The following ARSH variants were observed in gnomAD, a reference collection of about 807,000 sequenced individuals.
ARSH encodes the protein arylsulfatase H.
A neutral mutation model predicts 28.7 loss-of-function variants in ARSH; 32 were observed. The observed-to-expected ratio is 1.11, with a 90% CI of 0.84 to 1.50. ARSH has a LOEUF of 1.50. Among genes scored for constraint, ARSH ranks in the 40% most tolerant of loss-of-function variants. ARSH has a pLI of 0.00. For missense variants in ARSH, 440 were observed against 452.4 expected (o/e 0.97, Z 0.25); for synonymous variants, 176 against 177.3 (o/e 0.99, Z 0.06).
Position 3,015,406 on chromosome X carries a change from T to C in ARSH, c.764+13T>C. The C allele has an allele frequency of 8.4e-7, 1 of 1,195,259 alleles. No individual in the cohort carries two copies. The highest frequency in any genetic ancestry group is 1.1e-6 in the Non-Finnish European group (1 of 887,780). On this transcript the variant is annotated intron_variant, in intron 4 of 8. Coordinates refer to ENST00000381130, the MANE Select transcript of ARSH (RefSeq NM_001011719.2). ...CTTTCATTGAAAGGTATTTAGCCAT[T>C]TCTTGCCTGATTTCCTGCATGGAAA... is the stretch of plus-strand genomic sequence containing the variant.
Position 3,018,064 on chromosome X carries a change from A to G in ARSH, c.765-470A>G, listed in dbSNP as rs1021731373. Among the ~76,000 whole-genome samples, 3 of 112,175 alleles carry G rather than the reference A, an allele frequency of 2.7e-5. No homozygotes were observed. The Admixed American group carries it at 2.8e-4, about 11-fold the overall frequency. ...GCCCAGGCTGGAGTGCAGTGGTGTG[A>G]TAATAGCTCACGGCAGCCTCCACCT... On this transcript the variant is annotated intron_variant, in intron 4 of 8. Transcript: ENST00000381130.
chrX:3,010,003 C>T (rs542034290), intron 1 of ARSH, 27 bp from the exon 2 acceptor site: 18 of 1,200,981 alleles, frequency 1.5e-5, no homozygotes, highest in Middle Eastern at 4.6e-4. Flanking sequence ...TAGAAACTCA[C>T]CTGCTGAATT....
rs774297748 is a variant in ARSH at position 3,018,617 on chromosome X, G to T, written c.848G>T (p.Arg283Leu). Residue 283 changes from arginine to leucine, a missense_variant, in exon 5 of 9, where the codon CGC becomes CTC. Physicochemically the swap from Arg to Leu is moderately radical, Grantham distance 102. Coordinates refer to ENST00000381130, the MANE Select transcript of ARSH (RefSeq NM_001011719.2). ...PLISKKKFVG[R>L]SKYGRYGDNV... ...ATCTCCAAAAAGAAGTTTGTTGGGC[G>T]CAGTAAATATGGCAGGTATGGGGAC... The T allele has an allele frequency of 8.3e-7, 1 of 1,208,447 alleles. No homozygotes were observed. Among genetic ancestry groups the T allele is most frequent in the Non-Finnish European group, 1.1e-6 (1 of 894,398 alleles).
chrX:3,033,691 T>C lies in ARSH; in HGVS notation c.*306T>C, dbSNP rs2089921475. 6.1e-6 allele frequency: 1 copy of C among 164,263 alleles called. No homozygotes were observed. The highest frequency in any genetic ancestry group is 1.2e-5 in the Non-Finnish European group (1 of 85,010). The allele number at this position is 164,263 out of a possible 1,213,427, so 13.5% of individuals were successfully genotyped here. On this transcript the variant is annotated 3_prime_UTR_variant, in exon 9 of 9. Coordinates refer to ENST00000381130, the MANE Select transcript of ARSH (RefSeq NM_001011719.2). Reference sequence around the variant, plus strand: ...GTAGAGCTTTTGTTCCTAGAATTCATGGAAGCATCAGGTCCAATGTCATAA... The same window carrying C: ...GTAGAGCTTTTGTTCCTAGAATTCACGGAAGCATCAGGTCCAATGTCATAA...
chrX:3,015,612 AG>A (rs1438954332), intron 4 of ARSH, among the ~76,000 whole-genome samples: 2 of 110,980 alleles, frequency 1.8e-5, no homozygotes, highest in African/African-American at 6.6e-5. Context: ...ATGGCTGTGT[AG>A]TATTTTGTGG....
At chrX:3,030,930 A>G (rs1244867871) in intron 8 of ARSH, among the ~76,000 whole-genome samples, 2 of 110,177 alleles carry the variant, frequency 1.8e-5, no homozygotes, top group Non-Finnish European at 3.8e-5. Context: ...TAGGAGGATT[A>G]TTTGAGCCCA....
In ARSH at chrX:3,033,234, C is replaced by T. The variant is rs1274408680; in HGVS notation, c.1538C>T (p.Ala513Val). Residue 513 changes from alanine (A) to valine (V), a missense_variant, in exon 9 of 9, where the codon GCC becomes GTC. By Grantham distance (64) the Ala-to-Val change is moderately conservative. Transcript: ENST00000381130. ...TCCGTGATCAAAAAGATGGAGGCAG[C>T]CATAAGAGAGCATCGTAGGACACTA... is the stretch of plus-strand genomic sequence containing the variant. ...FDSVIKKMEA[A>V]IREHRRTLTP... The T allele has an allele frequency of 5.8e-6, 7 of 1,209,664 alleles. No individual in the cohort carries two copies. Among genetic ancestry groups the T allele is most frequent in the Admixed American group, 4.4e-5 (2 of 45,641 alleles).
intron 4 of ARSH, among the ~76,000 whole-genome samples, chrX:3,017,231 G>A (rs1363361572): frequency 9.0e-6 from 1 of 111,370 alleles, no homozygotes; most frequent in Non-Finnish European, 1.9e-5. Flanking sequence ...TGAAAAATGT[G>A]TAAAGGAGTA....
At chrX:3,028,322 T>C (rs1415042248) in intron 7 of ARSH, among the ~76,000 whole-genome samples, 2 of 109,616 alleles carry the variant, frequency 1.8e-5, no homozygotes, top group Non-Finnish European at 3.8e-5. Context: ...GTGATTCTTC[T>C]GCCTCAGCCT....
At chrX:3,031,406 G>A (rs950823905) in intron 8 of ARSH, among the ~76,000 whole-genome samples, 3 of 111,596 alleles carry the variant, frequency 2.7e-5, no homozygotes, top group African/African-American at 3.3e-5. Context: ...TCCCACATTC[G>A]TGCTATGGAA....
intron 6 of ARSH, among the ~76,000 whole-genome samples, chrX:3,026,556 T>C (rs2089899255): frequency 8.9e-6 from 1 of 112,191 alleles, no homozygotes; most frequent in African/African-American, 3.2e-5. Context: ...TTAAAGAGTC[T>C]AGACATATGG....
chrX:3,018,747 A>G (rs1319129521), intron 5 of ARSH, 77 bp downstream of exon 5: 1 of 1,079,428 alleles, frequency 9.3e-7, no homozygotes, highest in East Asian at 3.1e-5. Context: ...ACTGTCTCAA[A>G]TTATGTCCAG....
At chrX:3,012,210 TGTATAATATTGTCCACCA>T (rs1348318903) in intron 2 of ARSH, among the ~76,000 whole-genome samples, 5 of 109,949 alleles carry the variant, frequency 4.5e-5, no homozygotes, top group African/African-American at 6.6e-5. Context: ...AAACTATAGG[TGTATAATATTGTCCACCA>T]GTATAAATCT....
intron 7 of ARSH, among the ~76,000 whole-genome samples, chrX:3,028,304 G>C (rs1281765568): frequency 9.3e-6 from 1 of 108,061 alleles, no homozygotes; most frequent in Non-Finnish European, 1.9e-5. Context: ...TCTGCGTCCC[G>C]GGTTCAAGTG....
At chrX:3,013,453 A>G (rs2089856829) in intron 3 of ARSH, among the ~76,000 whole-genome samples, 1 of 110,835 alleles carries the variant, frequency 9.0e-6, no homozygotes, top group Admixed American at 9.8e-5. Flanking sequence ...TTGTGACACC[A>G]TTATTAGCAG....
chrX:3,031,721 A>G (rs2089914355), intron 8 of ARSH, among the ~76,000 whole-genome samples: 1 of 112,076 alleles, frequency 8.9e-6, no homozygotes, highest in Admixed American at 9.5e-5. Context: ...CGTAAACAGC[A>G]CAAGCCTCCC....
Position 3,006,721 on chromosome X carries a change from AC to A in ARSH, c.92+22del. On this transcript the variant is annotated intron_variant, in intron 1 of 8. Transcript: ENST00000381130. ...CTCAGTGAGGTAAAGATGGACTCTG[AC>A]CCCCTCCCTGTATGTGGGAGTCTCC... is the stretch of plus-strand genomic sequence containing the variant. The A allele has an allele frequency of 3.4e-6, 4 of 1,159,748 alleles. No homozygotes were observed. Among genetic ancestry groups the A allele is most frequent in the Non-Finnish European group, 4.7e-6 (4 of 854,693 alleles).
chrX:3,014,736 G>A (rs970394149), intron 3 of ARSH, among the ~76,000 whole-genome samples: 21 of 111,437 alleles, frequency 1.9e-4, no homozygotes, highest in African/African-American at 6.2e-4. Context: ...TCTCCTTGTC[G>A]CAAGCAAAGA....
rs1159044367 is a variant in ARSH, at chrX:3,029,345, C to CGTGT, written c.1299_1300insTGTG (p.Val434CysfsTer21). On this transcript the variant is annotated frameshift_variant, in exon 8 of 9. Transcript: ENST00000381130. LOFTEE classifies it low-confidence loss of function (END_TRUNC). ...CACTACTGTGGGGTCTATCTGCACA[C>CGTGT]GGTCAGGTGGCATCAGAAGGACTGT... 4 of 1,208,064 alleles carry CGTGT rather than the reference C, an allele frequency of 3.3e-6. No individual in the cohort carries two copies. The Admixed American group carries it at 6.6e-5, about 20-fold the overall frequency.
Sources: allele counts gnomAD v4.1 joint callset (sites outside exome capture counted in the v4.1 genomes callset), GRCh38; gene constraint gnomAD v4.1.1; transcripts MANE v1.5; gene names NCBI Gene and HGNC (gene_info 2026-07-23, HGNC 2026-07-21).